Variants in STXBP5 observed in about 807,000 individuals in gnomAD.
The protein encoded by STXBP5 is syntaxin binding protein 5.
Under a neutral mutation model 152.4 loss-of-function variants are expected in STXBP5, and 50 were observed. That is an observed-to-expected ratio of 0.33 (90% CI 0.26 to 0.42). The LOEUF is 0.42. Ranked by LOEUF, STXBP5 falls within the 10% of genes least tolerant of loss-of-function variation. The pLI is 1.00. For missense variants in STXBP5, 1,167 were observed against 1,388.6 expected (o/e 0.84, Z 2.54); for synonymous variants, 492 against 494.7 (o/e 0.99, Z 0.07).
intron 16 of STXBP5, among the ~76,000 whole-genome samples, chr6:147,324,148 G>GCA (rs150900221): frequency 2.4e-4 from 36 of 150,680 alleles, no homozygotes; most frequent in Middle Eastern, 3.4e-3. Flanking sequence ...GAAAGTAGGT[G>GCA]CACACACACA....
chr6:147,336,935 A>C (rs188069808), intron 19 of STXBP5, among the ~76,000 whole-genome samples: 2 of 152,114 alleles, frequency 1.3e-5, no homozygotes, highest in Non-Finnish European at 2.9e-5. Context: ...AATCAAAGCT[A>C]TCTTCAGAAA....
intron 1 of STXBP5, among the ~76,000 whole-genome samples, chr6:147,205,709 A>C (rs1448805702): frequency 6.6e-6 from 1 of 152,226 alleles, no homozygotes. Flanking sequence ...AATATTAATA[A>C]AAGATTTTCT....
At position 147,315,664 on chromosome 6, in the gene STXBP5, A is replaced by G; in HGVS notation, c.1552A>G (p.Ile518Val). The G allele has an allele frequency of 6.2e-7, 1 of 1,613,952 alleles. No homozygotes were observed. Among genetic ancestry groups the G allele is most frequent in the African/African-American group, 1.3e-5 (1 of 75,040 alleles). The change falls in exon 15 of 28, where the codon ATC (isoleucine) becomes GTC (valine). Residue 518 changes from isoleucine (I) to valine (V), a missense_variant. Around this residue, in one of 3 missense-constraint regions of STXBP5, gnomAD observed 833 missense variants for 986.3 expected, o/e 0.84. Coordinates refer to ENST00000321680, the MANE Select transcript of STXBP5 (RefSeq NM_001127715.4). ...GTGTCCAGAAAGTAGAATGCTGTGC[A>G]TCGCTGGAGTTTCAGCTCATGTCAT... ...SWCPESRMLC[I>V]AGVSAHVIIY...
intron 2 of STXBP5, among the ~76,000 whole-genome samples, chr6:147,213,020 C>T (rs1776938613): frequency 6.6e-6 from 1 of 152,086 alleles, no homozygotes; most frequent in South Asian, 2.1e-4. Context: ...TTCCTAATCA[C>T]ATGATCTTAA....
intron 7 of STXBP5, 131 bp downstream of exon 7, chr6:147,267,298 A>G (rs944862623): frequency 1.4e-5 from 9 of 651,856 alleles, no homozygotes; most frequent in Admixed American, 9.7e-5. Context: ...ATTTTTTACA[A>G]TAGATAATAT....
At chr6:147,255,529 T>C (rs1257281839) in intron 4 of STXBP5, among the ~76,000 whole-genome samples, 2 of 151,864 alleles carry the variant, frequency 1.3e-5, no homozygotes, top group Non-Finnish European at 2.9e-5. Context: ...GTTGTTGTTG[T>C]TTTTTGTTTA....
At chr6:147,287,340 C>G (rs1582893044) in intron 8 of STXBP5, among the ~76,000 whole-genome samples, 1 of 148,926 alleles carries the variant, frequency 6.7e-6, no homozygotes, top group Non-Finnish European at 1.5e-5. Flanking sequence ...GTAGCTGGGA[C>G]TACAGGCGCC....
chr6:147,364,253 A>G, intron 25 of STXBP5, 87 bp downstream of exon 25: 1 of 1,251,356 alleles, frequency 8.0e-7, no homozygotes. Context: ...ATTCTCATGG[A>G]ACTATACAAG....
intron 9 of STXBP5, among the ~76,000 whole-genome samples, chr6:147,308,597 G>A (rs906135891): frequency 6.6e-5 from 10 of 152,012 alleles, no homozygotes; most frequent in Admixed American, 6.6e-4. Flanking sequence ...AAAACAGTAA[G>A]CAAAATAAAT....
chr6:147,384,845 A>T lies in STXBP5; in HGVS notation c.*90A>T, dbSNP rs1786266121. ...CTTTAGGAAAGTTAACGTTAAAGGGATGTTCGTCACTGAATACTGTTCTTT... is the reference window on the plus strand; with the variant it reads ...CTTTAGGAAAGTTAACGTTAAAGGGTTGTTCGTCACTGAATACTGTTCTTT... On this transcript the variant is annotated 3_prime_UTR_variant, in exon 28 of 28. Coordinates refer to ENST00000321680, the MANE Select transcript of STXBP5 (RefSeq NM_001127715.4). The T allele has an allele frequency of 7.7e-7, 1 of 1,303,966 alleles. No homozygotes were observed. Among genetic ancestry groups the T allele is most frequent in the South Asian group, 1.2e-5 (1 of 80,320 alleles). 80.8% of individuals were successfully genotyped at this position (1,303,966 alleles called of 1,614,324 possible). A position where few individuals can be genotyped will look rare whatever the true frequency, so the allele number is the denominator to read the frequency against.
chr6:147,317,670 G>A (rs1043506768), intron 16 of STXBP5, among the ~76,000 whole-genome samples: 5 of 152,232 alleles, frequency 3.3e-5, no homozygotes, highest in African/African-American at 1.2e-4. Flanking sequence ...TCTCAGAAAG[G>A]TATCAAGTTT....
chr6:147,327,561 C>A (rs887175454), intron 18 of STXBP5, among the ~76,000 whole-genome samples: 1 of 152,096 alleles, frequency 6.6e-6, no homozygotes, highest in African/African-American at 2.4e-5. Context: ...CCCACCTCAA[C>A]CCTCTGAGTA....
intron 4 of STXBP5, among the ~76,000 whole-genome samples, chr6:147,247,630 T>C (rs572500080): frequency 6.6e-6 from 1 of 152,218 alleles, no homozygotes; most frequent in African/African-American, 2.4e-5. Context: ...TAGTAAGGAG[T>C]CTCTTTGAAT....
rs1215936281 is a variant in STXBP5, at chr6:147,382,817, C to T, written c.3233C>T (p.Ala1078Val). The part of the protein sequence containing the change: ...SSSGKASRSL[A>V]QHIPGPGGIE... ...TCAGGAAAGGCTTCAAGGAGCCTTG[C>T]ACAGCATATTCCTGGCCCTGGTGGC... The change falls in exon 27 of 28, where the codon GCA becomes GTA. Residue 1078 changes from alanine (A) to valine (V), a missense_variant. Coordinates refer to ENST00000321680, the MANE Select transcript of STXBP5 (RefSeq NM_001127715.4). 2 of 1,613,380 alleles carry T rather than the reference C, an allele frequency of 1.2e-6. No homozygotes were observed. The highest frequency in any genetic ancestry group is 1.7e-6 in the Non-Finnish European group (2 of 1,179,632).
At chr6:147,269,122 G>A (rs369926176) in intron 7 of STXBP5, among the ~76,000 whole-genome samples, 10 of 152,284 alleles carry the variant, frequency 6.6e-5, no homozygotes, top group African/African-American at 2.4e-4. Context: ...TATTGCATGG[G>A]TATAAGGCTT....
chr6:147,289,689 C>CA (rs761762155), intron 8 of STXBP5, among the ~76,000 whole-genome samples: 11 of 151,264 alleles, frequency 7.3e-5, no homozygotes, highest in Non-Finnish European at 1.3e-4. Flanking sequence ...GATCCAAACA[C>CA]ATCAGATTAA....
At chr6:147,324,366 G>A (rs185560539) in intron 16 of STXBP5, among the ~76,000 whole-genome samples, 2 of 134,574 alleles carry the variant, frequency 1.5e-5, no homozygotes, top group Admixed American at 8.7e-5. Context: ...TCTGCCTCCC[G>A]GGTTCAAGCG....
At chr6:147,333,248 A>G (rs1276896892) in intron 18 of STXBP5, among the ~76,000 whole-genome samples, 1 of 152,164 alleles carries the variant, frequency 6.6e-6, no homozygotes, top group Non-Finnish European at 1.5e-5. Context: ...CAGGCTGGGC[A>G]TGGTGGCTCA....
intron 25 of STXBP5, among the ~76,000 whole-genome samples, chr6:147,369,196 A>C (rs988886023): frequency 6.6e-6 from 1 of 152,062 alleles, no homozygotes; most frequent in Non-Finnish European, 1.5e-5. Flanking sequence ...TTTTTAAGGA[A>C]GGCGCAAGGC....
Sources: gnomAD v4.1 joint callset for allele counts (sites outside exome capture counted in the v4.1 genomes callset) on GRCh38, gnomAD v4.1.1 for gene constraint, gnomAD v4.1.1 regional missense constraint, MANE v1.5 for transcripts, NCBI Gene and HGNC (gene_info 2026-07-23, HGNC 2026-07-21) for gene names.